The following ABCC4 variants were observed in gnomAD, a reference collection of about 807,000 sequenced individuals.
ABCC4 encodes ATP binding cassette subfamily C member 4 (PEL blood group).
ABCC4 carries 102 observed loss-of-function variants against 168.5 expected under a neutral mutation model. That is an observed-to-expected ratio of 0.61 (90% CI 0.52 to 0.71). The LOEUF is 0.71. Ranked by LOEUF, ABCC4 falls within the 30% of genes least tolerant of loss-of-function variation. ABCC4 has a pLI of 0.00. For missense variants in ABCC4, 1,402 were observed against 1,605.8 expected (o/e 0.87, Z 2.17); for synonymous variants, 617 against 590.7 (o/e 1.04, Z -0.65).
At position 95,178,071 on chromosome 13, in the gene ABCC4, A is replaced by G. The variant is rs1424942915; in HGVS notation, c.1566T>C (p.Asp522=). ...GATCTCCTATCACAGTCAGATCACC[A>G]TCCTCCAACAGCTGTAAATCCTGTA... is the stretch of plus-strand genomic sequence containing the variant. ...ALKKDLQLLE[D]GDLTVIGDRG... The change falls in exon 12 of 31, where the codon GAT becomes GAC. Residue 522 remains aspartate, a synonymous_variant. Transcript: ENST00000645237. The G allele has an allele frequency of 6.2e-7, 1 of 1,614,156 alleles. No homozygotes were observed. Among genetic ancestry groups the G allele is most frequent in the Non-Finnish European group, 8.5e-7 (1 of 1,179,992 alleles).
At chr13:95,039,543 T>A (rs910125733) in intron 29 of ABCC4, among the ~76,000 whole-genome samples, 2 of 152,130 alleles carry the variant, frequency 1.3e-5, no homozygotes, top group African/African-American at 4.8e-5. Context: ...AGCCATGCAT[T>A]GATGTTGGTC....
chr13:95,078,317 C>T (rs567550548), intron 21 of ABCC4, among the ~76,000 whole-genome samples: 104 of 152,180 alleles, frequency 6.8e-4, no homozygotes, highest in African/African-American at 2.3e-3. Flanking sequence ...GAAGCTGAGA[C>T]GGGAGAATTG....
At chr13:95,157,151 T>C (rs1187715430) in intron 19 of ABCC4, among the ~76,000 whole-genome samples, 3 of 148,470 alleles carry the variant, frequency 2.0e-5, no homozygotes, top group Non-Finnish European at 4.4e-5. Context: ...ATTTGTCCAC[T>C]GGTGGTCACC....
At chr13:95,150,498 C>A (rs781291090) in intron 19 of ABCC4, among the ~76,000 whole-genome samples, 8 of 152,090 alleles carry the variant, frequency 5.3e-5, no homozygotes, top group Non-Finnish European at 1.2e-4. Context: ...CTCCCTCCCC[C>A]TTCCCCACTG....
chr13:95,076,267 G>A (rs962129530), intron 21 of ABCC4, among the ~76,000 whole-genome samples: 12 of 152,190 alleles, frequency 7.9e-5, no homozygotes, highest in African/African-American at 2.7e-4. Context: ...GAACCGGACA[G>A]ATGTTTTTAT....
In ABCC4 at chr13:95,220,352, C is replaced by T. The variant is rs536911071; in HGVS notation, c.532-9571G>A. Among the ~76,000 whole-genome samples, 14 of 152,260 alleles carry T rather than the reference C, an allele frequency of 9.2e-5. 1 individual carries two copies. Among genetic ancestry groups the T allele is most frequent in the African/African-American group, 3.1e-4 (13 of 41,538 alleles). On this transcript the variant is annotated intron_variant, in intron 4 of 30. Transcript: ENST00000645237. ...AGTCAAAATGAAAATATTTTACATA[C>T]GTGATTTTCCTTTTTTCCTAATGTT...
chr13:95,034,575 T>C, intron 30 of ABCC4, 30 bp downstream of exon 30: 1 of 1,605,438 alleles, frequency 6.2e-7, no homozygotes, highest in Non-Finnish European at 8.5e-7. Context: ...TGAGACAAAC[T>C]TTAATTACAA....
rs139455433 is a variant in ABCC4 at position 95,202,397 on chromosome 13, C to G, written c.1161+4135G>C. 3.8e-3 allele frequency among the ~76,000 whole-genome samples: 577 copies of G among 152,290 alleles called. 2 individuals are homozygous for G. Among genetic ancestry groups the G allele is most frequent in the African/African-American group, 0.013 (540 of 41,560 alleles). On this transcript the variant is annotated intron_variant, in intron 8 of 30. Coordinates refer to ENST00000645237, the MANE Select transcript of ABCC4 (RefSeq NM_005845.5). ...GTTCTGCTTCTCTGGAGAACTCTGA[C>G]TAATACAGACGGTTTTCTAAATAAG...
intron 1 of ABCC4, among the ~76,000 whole-genome samples, chr13:95,285,855 A>C (rs2041242928): frequency 6.6e-6 from 1 of 152,196 alleles, no homozygotes; most frequent in Non-Finnish European, 1.5e-5. Flanking sequence ...AGAAAGCAGC[A>C]GAGCTATGCC....
intron 4 of ABCC4, 65 bp from the exon 5 acceptor site, chr13:95,210,846 C>T: frequency 8.0e-7 from 1 of 1,246,758 alleles, no homozygotes. Context: ...GCTTAGGACA[C>T]AGCAGACCTG....
At chr13:95,031,840 T>C (rs1167627492) in intron 30 of ABCC4, among the ~76,000 whole-genome samples, 2 of 152,236 alleles carry the variant, frequency 1.3e-5, no homozygotes, top group African/African-American at 4.8e-5. Context: ...AGTTGGAACA[T>C]GCTAAAATTC....
At chr13:95,255,323 A>T (rs1368544719) in intron 1 of ABCC4, among the ~76,000 whole-genome samples, 1 of 152,232 alleles carries the variant, frequency 6.6e-6, no homozygotes, top group Non-Finnish European at 1.5e-5. Context: ...GTCCTTACAA[A>T]GTTTCCCATG....
intron 11 of ABCC4, among the ~76,000 whole-genome samples, chr13:95,179,929 T>G (rs1217468180): frequency 6.6e-6 from 1 of 152,212 alleles, no homozygotes; most frequent in Non-Finnish European, 1.5e-5. Context: ...AGTAAGGGTA[T>G]GAACTCTCTA....
At chr13:95,212,346 T>C (rs1019428490) in intron 4 of ABCC4, among the ~76,000 whole-genome samples, 1 of 152,126 alleles carries the variant, frequency 6.6e-6, no homozygotes, top group East Asian at 1.9e-4. Context: ...AAACTATCTG[T>C]AAATATTTAT....
chr13:95,059,405 C>T (rs1050176297), intron 26 of ABCC4, among the ~76,000 whole-genome samples: 6 of 152,190 alleles, frequency 3.9e-5, no homozygotes, highest in African/African-American at 1.4e-4. Context: ...TTGTCTGGGA[C>T]GCAACAATCA....
intron 21 of ABCC4, among the ~76,000 whole-genome samples, chr13:95,078,789 C>T (rs145636558): frequency 5.9e-5 from 9 of 152,220 alleles, no homozygotes; most frequent in South Asian, 2.1e-4. Flanking sequence ...TGTGACTGAA[C>T]GCGTCCATCA....
At chr13:95,043,200 T>C (rs1231270135) in intron 29 of ABCC4, 1 of 152,764 alleles carries the variant, frequency 6.5e-6, no homozygotes, top group Non-Finnish European at 1.5e-5. Context: ...CTGAAAATAA[T>C]TTGTGATGGA....
chr13:95,047,865 T>C (rs2032661219), intron 27 of ABCC4, among the ~76,000 whole-genome samples: 1 of 152,192 alleles, frequency 6.6e-6, no homozygotes, highest in Non-Finnish European at 1.5e-5. Context: ...TACCTAATAT[T>C]ATATTACATA....
chr13:95,061,400 G>T (rs1037376177), intron 26 of ABCC4, among the ~76,000 whole-genome samples: 3 of 152,182 alleles, frequency 2.0e-5, no homozygotes, highest in African/African-American at 7.2e-5. Context: ...TTAGAGGTCA[G>T]TGCTAGGATA....
Sources: allele counts gnomAD v4.1 joint callset (sites outside exome capture counted in the v4.1 genomes callset), GRCh38; gene constraint gnomAD v4.1.1; transcripts MANE v1.5; gene names NCBI Gene and HGNC (gene_info 2026-07-23, HGNC 2026-07-21).